ADAM32: variants seen among roughly 807,000 people sequenced by gnomAD.
The protein encoded by ADAM32 is ADAM metallopeptidase domain 32.
Under a neutral mutation model 114.9 loss-of-function variants are expected in ADAM32, and 89 were observed. That is an observed-to-expected ratio of 0.77 (90% confidence interval 0.65 to 0.92). The LOEUF is 0.92. Among genes scored for constraint, ADAM32 ranks in the 40% least tolerant of loss-of-function variants. The pLI is 0.00. For missense variants in ADAM32, 870 were observed against 932.8 expected, an observed-to-expected ratio of 0.93 and a Z score of 0.88; for synonymous variants, 285 against 307.5, an observed-to-expected ratio of 0.93 and a Z score of 0.77.
chr8:39,278,098 G>A (rs549062727), intron 22 of ADAM32, among the ~76,000 whole-genome samples: 2 of 152,286 alleles, frequency 1.3e-5, no homozygotes, highest in South Asian at 4.1e-4. Flanking sequence ...CTGAAAAGGG[G>A]ATGGGCAGGA....
chr8:39,184,197 A>T (rs2129447045), intron 10 of ADAM32, among the ~76,000 whole-genome samples: 1 of 152,316 alleles, frequency 6.6e-6, no homozygotes, highest in Admixed American at 6.5e-5. Flanking sequence ...ATGTATCATT[A>T]CTCCTACAAT....
intron 14 of ADAM32, among the ~76,000 whole-genome samples, chr8:39,231,245 G>A (rs1301929942): frequency 6.6e-6 from 1 of 152,158 alleles, no homozygotes; most frequent in Non-Finnish European, 1.5e-5. Context: ...GAGGAAGAAA[G>A]CTGCTGTGTT....
chr8:39,201,895 T>A (rs980934528), intron 11 of ADAM32, among the ~76,000 whole-genome samples: 1 of 152,222 alleles, frequency 6.6e-6, no homozygotes, highest in Non-Finnish European at 1.5e-5. Flanking sequence ...CCATGTGGTT[T>A]TTGTCTTTGG....
intron 16 of ADAM32, among the ~76,000 whole-genome samples, chr8:39,234,670 T>C (rs1809986589): frequency 6.6e-6 from 1 of 152,238 alleles, no homozygotes; most frequent in South Asian, 2.1e-4. Flanking sequence ...GTTTGGCTAT[T>C]ATTGCCGATT....
chr8:39,214,689 A>T (rs4398875), intron 12 of ADAM32, among the ~76,000 whole-genome samples: 151,715 of 152,278 alleles, frequency 1, 75,579 homozygotes, highest in Non-Finnish European at 1. Flanking sequence ...GGCTTTTAAC[A>T]TGATGTGATC....
intron 16 of ADAM32, among the ~76,000 whole-genome samples, chr8:39,238,017 G>C (rs1052805258): frequency 1.3e-5 from 2 of 152,182 alleles, no homozygotes; most frequent in African/African-American, 4.8e-5. Context: ...CTGCTCCAAG[G>C]AAGGAAAAAA....
chr8:39,196,802 T>C (rs1203808887), intron 11 of ADAM32, among the ~76,000 whole-genome samples: 2 of 152,150 alleles, frequency 1.3e-5, no homozygotes, highest in Admixed American at 1.3e-4. Context: ...GTTTTCTTTT[T>C]TTTTGTTGTG....
Position 39,118,171 on chromosome 8 carries a change from A to T in ADAM32, c.138+6A>T. 1 of 1,394,820 alleles carries T rather than the reference A, an allele frequency of 7.2e-7. No individual in the cohort carries two copies. The allele number at this position is 1,394,820 out of a possible 1,614,324, so 86.4% of individuals were successfully genotyped here. ...ACAGTTCAGAAATAGAATATGTAAGAGATATTTTTTCACAATCTAAATGTT... is the reference window on the plus strand; with the variant it reads ...ACAGTTCAGAAATAGAATATGTAAGTGATATTTTTTCACAATCTAAATGTT... On this transcript the variant is annotated splice_donor_region_variant and intron_variant, in intron 2 of 24. Transcript: ENST00000379907.
At position 39,191,385 on chromosome 8, in the gene ADAM32, C is replaced by T. The variant is rs559538263; in HGVS notation, c.1052+4340C>T. Among the ~76,000 whole-genome samples the T allele has an allele frequency of 5.9e-5, 9 of 152,260 alleles. No individual in the cohort carries two copies. The South Asian group carries it at 1.9e-3, about 32-fold the overall frequency. Reference sequence around the variant, plus strand: ...CTCCCACCAACAGTGTATAAGTGTTCCTTTTTCTCCACAACCTCACCAGCA... The same window carrying T: ...CTCCCACCAACAGTGTATAAGTGTTTCTTTTTCTCCACAACCTCACCAGCA... On this transcript the variant is annotated intron_variant, in intron 11 of 24. Coordinates refer to ENST00000379907, the MANE Select transcript of ADAM32 (RefSeq NM_145004.7).
At chr8:39,274,467 A>G (rs779836891) in intron 21 of ADAM32, 117 bp downstream of exon 21, 37 of 1,107,040 alleles carry the variant, frequency 3.3e-5, no homozygotes, top group Non-Finnish European at 4.7e-5. Context: ...CAATGCACTA[A>G]AATCCAGACT....
chr8:39,140,743 T>G (rs1326418234), intron 3 of ADAM32, among the ~76,000 whole-genome samples: 1 of 152,214 alleles, frequency 6.6e-6, no homozygotes, highest in Admixed American at 6.5e-5. Context: ...AGCTACTCTT[T>G]GTACCTCTGG....
chr8:39,109,165 T>C (rs1349712867), intron 1 of ADAM32, among the ~76,000 whole-genome samples: 1 of 152,236 alleles, frequency 6.6e-6, no homozygotes, highest in Non-Finnish European at 1.5e-5. Flanking sequence ...CTCAAAGAGC[T>C]TTTGTTTATG....
intron 3 of ADAM32, 61 bp downstream of exon 3, chr8:39,136,779 A>G (rs1802832549): frequency 1.8e-6 from 2 of 1,136,652 alleles, no homozygotes; most frequent in Admixed American, 3.4e-5. Flanking sequence ...TTTACTTGCA[A>G]TAGAAAATGG....
chr8:39,213,387 A>G (rs1305002257), intron 12 of ADAM32, among the ~76,000 whole-genome samples: 5 of 151,248 alleles, frequency 3.3e-5, no homozygotes, highest in Admixed American at 2.0e-4. Flanking sequence ...ATTATTAACT[A>G]TAATTTCCCT....
intron 2 of ADAM32, chr8:39,131,973 A>G (rs1802488281): frequency 6.4e-6 from 2 of 312,932 alleles, no homozygotes; most frequent in South Asian, 4.7e-5. Flanking sequence ...GGCTCACCTC[A>G]ATCTCCGTCT....
At chr8:39,265,005 C>G (rs1812269350) in intron 19 of ADAM32, among the ~76,000 whole-genome samples, 1 of 152,124 alleles carries the variant, frequency 6.6e-6, no homozygotes, top group Non-Finnish European at 1.5e-5. Context: ...TCTACTTGGT[C>G]AAGTGCCGCG....
intron 17 of ADAM32, among the ~76,000 whole-genome samples, chr8:39,249,439 T>A (rs1386119498): frequency 6.6e-6 from 1 of 152,128 alleles, no homozygotes; most frequent in Non-Finnish European, 1.5e-5. Context: ...TCGACAGACA[T>A]TTTTCTGTAG....
chr8:39,139,247 G>T (rs1802994525), intron 3 of ADAM32, among the ~76,000 whole-genome samples: 1 of 152,116 alleles, frequency 6.6e-6, no homozygotes, highest in South Asian at 2.1e-4. Context: ...TGAAGTCTTT[G>T]CCTATGCCTA....
At position 39,232,061 on chromosome 8, in the gene ADAM32, A is replaced by G; in HGVS notation, c.1560A>G (p.Glu520=). The change falls in exon 15 of 25, where the codon GAA becomes GAG. Residue 520 remains glutamate (E), a synonymous_variant. Coordinates refer to ENST00000379907, the MANE Select transcript of ADAM32 (RefSeq NM_145004.7). The part of the protein sequence containing the change: ...SRNAPFACYE[E]IQSQSDRFGN... ...ATGCTCCATTTGCCTGCTATGAAGA[A>G]ATACAATCTCAATCAGACAGATTTG... is the stretch of plus-strand genomic sequence containing the variant. The G allele has an allele frequency of 6.2e-7, 1 of 1,612,572 alleles. No individual in the cohort carries two copies. The highest frequency in any genetic ancestry group is 8.5e-7 in the Non-Finnish European group (1 of 1,179,070).
Sources: allele counts gnomAD v4.1 joint callset (sites outside exome capture counted in the v4.1 genomes callset), GRCh38; gene constraint gnomAD v4.1.1; transcripts MANE v1.5; gene names NCBI Gene and HGNC (gene_info 2026-07-23, HGNC 2026-07-21).